The following BRINP3 variants were observed in gnomAD, a reference collection of about 807,000 sequenced individuals.
The protein encoded by BRINP3 is BMP/retinoic acid inducible neural specific 3, also known as BMP/retinoic acid-inducible neural-specific protein 3.
A neutral mutation model predicts 71.0 loss-of-function variants in BRINP3; 19 were observed. The ratio of observed to expected loss-of-function variants is 0.27; its 90% CI spans 0.19 to 0.39. The LOEUF (loss-of-function observed/expected upper bound fraction) is 0.39. BRINP3 is among the 10% of genes least tolerant of loss of function. BRINP3 has a pLI of 1.00. For synonymous variants in BRINP3, 380 were observed against 337.7 expected, an observed-to-expected ratio of 1.13 and a Z score of -1.37; for missense variants, 959 against 940.8, an observed-to-expected ratio of 1.02 and a Z score of -0.25.
intron 2 of BRINP3, among the ~76,000 whole-genome samples, chr1:190,381,578 C>A (rs1670552890): frequency 6.6e-6 from 1 of 152,160 alleles, no homozygotes; most frequent in Non-Finnish European, 1.5e-5. Flanking sequence ...TTGGTCATCT[C>A]AATGACCTTA....
intron 2 of BRINP3, among the ~76,000 whole-genome samples, chr1:190,409,458 T>C (rs1027184595): frequency 2.0e-5 from 3 of 152,152 alleles, no homozygotes; most frequent in Non-Finnish European, 4.4e-5. Context: ...AGTCTAATAT[T>C]TTCCCTTCTT....
chr1:190,471,553 C>T (rs11805294), intron 1 of BRINP3, among the ~76,000 whole-genome samples: 1 of 151,244 alleles, frequency 6.6e-6, no homozygotes, highest in South Asian at 2.1e-4. Flanking sequence ...CAAGTAGTTG[C>T]TAAATTAAAA....
At chr1:190,421,126 C>CT (rs1283129172) in intron 2 of BRINP3, among the ~76,000 whole-genome samples, 1 of 151,488 alleles carries the variant, frequency 6.6e-6, no homozygotes, top group African/African-American at 2.4e-5. Context: ...AAAATGATTC[C>CT]TGTTATAATC....
At chr1:190,188,662 T>C (rs1250607929) in intron 6 of BRINP3, among the ~76,000 whole-genome samples, 1 of 152,188 alleles carries the variant, frequency 6.6e-6, no homozygotes, top group East Asian at 1.9e-4. Flanking sequence ...ATTTATTGCT[T>C]TGTATTGTTT....
chr1:190,137,862 T>C (rs576177469), intron 7 of BRINP3, among the ~76,000 whole-genome samples: 1 of 152,302 alleles, frequency 6.6e-6, no homozygotes, highest in Admixed American at 6.5e-5. Context: ...TTACATATGC[T>C]GATTCTTGTA....
At chr1:190,238,660 A>T (rs1206265883) in intron 4 of BRINP3, among the ~76,000 whole-genome samples, 1 of 151,416 alleles carries the variant, frequency 6.6e-6, no homozygotes, top group Non-Finnish European at 1.5e-5. Flanking sequence ...CAGTGGAGAA[A>T]CTGGAATTCT....
intron 2 of BRINP3, among the ~76,000 whole-genome samples, chr1:190,330,930 A>C (rs1666922183): frequency 6.6e-6 from 1 of 151,952 alleles, no homozygotes. Flanking sequence ...CTGGGTATTC[A>C]CGGACATAAA....
chr1:190,140,594 TA>T (rs762434871), intron 7 of BRINP3, among the ~76,000 whole-genome samples: 13 of 152,130 alleles, frequency 8.5e-5, no homozygotes, highest in Non-Finnish European at 1.8e-4. Context: ...AATTTTAGGA[TA>T]AAAAATAAAT....
intron 2 of BRINP3, among the ~76,000 whole-genome samples, chr1:190,295,258 G>A (rs1215226101): frequency 6.6e-6 from 1 of 152,096 alleles, no homozygotes; most frequent in Non-Finnish European, 1.5e-5. Flanking sequence ...GGATCTAGAA[G>A]TGCCAAGCAG....
rs1222291505 is a variant in BRINP3 at position 190,165,443 on chromosome 1, G to GTTTT, written c.962-4557_962-4554dup. On this transcript the variant is annotated intron_variant, in intron 6 of 7. Transcript: ENST00000367462. ...GCAAGTATGCTCTGTTTCATTGGCT[G>GTTTT]TTTTTTTTTTTTTTTTTTGTGTGTG... 6.9e-4 allele frequency among the ~76,000 whole-genome samples: 32 copies of GTTTT among 46,588 alleles called. 1 individual carries two copies. The highest frequency in any genetic ancestry group is 1.3e-3 in the East Asian group (2 of 1,524). The allele number at this position is 46,588 out of a possible 152,430, so 30.6% of individuals were successfully genotyped here.
intron 4 of BRINP3, among the ~76,000 whole-genome samples, chr1:190,252,308 C>T (rs1042857900): frequency 5.9e-5 from 9 of 152,008 alleles, no homozygotes; most frequent in African/African-American, 2.2e-4. Context: ...GATCTTGATG[C>T]ACTGGAGACC....
Position 190,184,481 on chromosome 1 carries a change from T to A in BRINP3, c.962-23591A>T, listed in dbSNP as rs142014135. Among the ~76,000 whole-genome samples the A allele has an allele frequency of 5.4e-3, 825 of 152,220 alleles. 6 individuals are homozygous for A. Among genetic ancestry groups the A allele is most frequent in the African/African-American group, 0.018 (752 of 41,548 alleles). The stretch of plus-strand genomic sequence containing the variant: ...CAATAGCTCAGACATGCAATCAACC[T>A]AAGCGCCCATTAATGATGGATTAGA... On this transcript the variant is annotated intron_variant, in intron 6 of 7. Coordinates refer to ENST00000367462, the MANE Select transcript of BRINP3 (RefSeq NM_199051.3).
chr1:190,423,127 G>A (rs757959644), intron 2 of BRINP3, among the ~76,000 whole-genome samples: 49 of 151,590 alleles, frequency 3.2e-4, no homozygotes, highest in Admixed American at 2.8e-3. Flanking sequence ...TTATGTTTAC[G>A]TGTATTCCAG....
At chr1:190,356,423 G>C (rs1312986817) in intron 2 of BRINP3, among the ~76,000 whole-genome samples, 1 of 151,922 alleles carries the variant, frequency 6.6e-6, no homozygotes, top group African/African-American at 2.4e-5. Flanking sequence ...CTGTGAGAAG[G>C]TATTAGAAAG....
intron 2 of BRINP3, among the ~76,000 whole-genome samples, chr1:190,290,656 G>A (rs763189196): frequency 7.9e-4 from 120 of 152,160 alleles, no homozygotes; most frequent in Non-Finnish European, 1.4e-3. Flanking sequence ...AATTAGACTT[G>A]TTTCTAAGCG....
rs368223228 is a variant in BRINP3, at chr1:190,206,090, T to C, written c.961+19992A>G. Among the ~76,000 whole-genome samples, 6 of 152,184 alleles carry C rather than the reference T, an allele frequency of 3.9e-5. No individual in the cohort carries two copies. In the East Asian group the frequency reaches 7.8e-4, roughly 20 times the overall value. On this transcript the variant is annotated intron_variant, in intron 6 of 7. Transcript: ENST00000367462. Reference sequence around the variant, plus strand: ...TGGTCTAGAGCCAAACTATCCATTGTTTAAAAGACACTTGCCAGTACACCG... The same window carrying C: ...TGGTCTAGAGCCAAACTATCCATTGCTTAAAAGACACTTGCCAGTACACCG...
intron 2 of BRINP3, among the ~76,000 whole-genome samples, chr1:190,413,769 G>A (rs1211293881): frequency 6.6e-6 from 1 of 152,032 alleles, no homozygotes; most frequent in African/African-American, 2.4e-5. Context: ...TTCGTACTAT[G>A]TTACAGCAGC....
rs535168916 is a variant in BRINP3, at chr1:190,324,616, T to G, written c.237-42866A>C. ...GGTAAGTGTTCTTCCTGACTTATTT[T>G]GGGGAAAATTATTTAAATGGTTTTA... On this transcript the variant is annotated intron_variant, in intron 2 of 7. Transcript: ENST00000367462. Among the ~76,000 whole-genome samples the G allele has an allele frequency of 1.8e-4, 28 of 152,092 alleles. 1 individual carries two copies. The East Asian group carries it at 4.6e-3, about 25-fold the overall frequency.
chr1:190,159,780 GT>G (rs578048958), intron 7 of BRINP3, among the ~76,000 whole-genome samples: 194 of 148,024 alleles, frequency 1.3e-3, no homozygotes, highest in African/African-American at 3.1e-3. Flanking sequence ...TGGTTGCATA[GT>G]TTTTTTTTTA....
Sources: gnomAD v4.1 joint callset for allele counts (sites outside exome capture counted in the v4.1 genomes callset) on GRCh38, gnomAD v4.1.1 for gene constraint, MANE v1.5 for transcripts, NCBI Gene and HGNC (gene_info 2026-07-23, HGNC 2026-07-21) for gene names.